Variants in PPM1L observed in about 807,000 individuals in gnomAD.
The protein encoded by PPM1L is protein phosphatase 1L.
A neutral mutation model predicts 31.4 loss-of-function variants in PPM1L; 13 were observed. The observed-to-expected ratio is 0.41, with a 90% CI of 0.27 to 0.66. The LOEUF (loss-of-function observed/expected upper bound fraction) is 0.66. Among genes scored for constraint, PPM1L ranks in the 30% least tolerant of loss-of-function variants. The pLI is 0.29. For missense variants in PPM1L, 326 were observed against 453.7 expected (o/e 0.72, Z 2.56); for synonymous variants, 184 against 175.4 (o/e 1.05, Z -0.39).
At chr3:160,761,834 AAG>A (rs1301945397) in intron 1 of PPM1L, among the ~76,000 whole-genome samples, 1 of 152,154 alleles carries the variant, frequency 6.6e-6, no homozygotes, top group Non-Finnish European at 1.5e-5. Context: ...ACCGGAGAAG[AAG>A]AGAGCTTGTG....
chr3:160,757,741 C>T (rs558074515), intron 1 of PPM1L, among the ~76,000 whole-genome samples: 1 of 152,320 alleles, frequency 6.6e-6, no homozygotes, highest in Non-Finnish European at 1.5e-5. Context: ...CTTTTGGCAG[C>T]ATACTTTTCT....
chr3:160,799,287 T>G (rs1171240710), intron 1 of PPM1L, among the ~76,000 whole-genome samples: 1 of 152,220 alleles, frequency 6.6e-6, no homozygotes, highest in Non-Finnish European at 1.5e-5. Flanking sequence ...CATCATATGC[T>G]ACAGAGAAAT....
At chr3:160,782,671 T>C (rs183415518) in intron 1 of PPM1L, among the ~76,000 whole-genome samples, 1 of 152,370 alleles carries the variant, frequency 6.6e-6, no homozygotes, top group East Asian at 1.9e-4. Flanking sequence ...TCATTTATAA[T>C]TTAAAACTAT....
chr3:160,801,714 T>C (rs1481888930), intron 1 of PPM1L, among the ~76,000 whole-genome samples: 1 of 152,220 alleles, frequency 6.6e-6, no homozygotes, highest in African/African-American at 2.4e-5. Context: ...TTTAAAACTG[T>C]GTCCCTGCCT....
chr3:160,955,742 C>T (rs538156955), intron 1 of PPM1L, among the ~76,000 whole-genome samples: 349 of 151,830 alleles, frequency 2.3e-3, no homozygotes, highest in African/African-American at 8.3e-3. Context: ...GCTCCGCCTC[C>T]TGGGTTCACG....
chr3:161,062,442 TA>T (rs1383109851), intron 2 of PPM1L, among the ~76,000 whole-genome samples: 1 of 151,984 alleles, frequency 6.6e-6, no homozygotes, highest in Non-Finnish European at 1.5e-5. Context: ...CTCTACAAAA[TA>T]AAAAATAAGA....
At chr3:161,041,419 G>T (rs6771581) in intron 2 of PPM1L, among the ~76,000 whole-genome samples, 7,508 of 152,204 alleles carry the variant, frequency 0.049, 459 homozygotes, top group African/African-American at 0.13. Flanking sequence ...ATGGTCCATG[G>T]TCACTCATAT....
intron 1 of PPM1L, among the ~76,000 whole-genome samples, chr3:160,825,822 T>C (rs1443202169): frequency 6.6e-6 from 1 of 152,152 alleles, no homozygotes. Context: ...TGGCTGATAT[T>C]CGCGAACCCT....
chr3:161,019,967 A>C (rs1437841433), intron 2 of PPM1L, among the ~76,000 whole-genome samples: 1 of 152,054 alleles, frequency 6.6e-6, no homozygotes, highest in African/African-American at 2.4e-5. Flanking sequence ...TCTACTAAAA[A>C]TACAAAAAAT....
At chr3:160,915,510 A>G (rs1714137878) in intron 1 of PPM1L, among the ~76,000 whole-genome samples, 1 of 152,186 alleles carries the variant, frequency 6.6e-6, no homozygotes, top group South Asian at 2.1e-4. Context: ...ATTCAATGCC[A>G]TCCCCATCAA....
chr3:160,897,150 C>T (rs981008127), intron 1 of PPM1L, among the ~76,000 whole-genome samples: 2 of 149,720 alleles, frequency 1.3e-5, no homozygotes, highest in East Asian at 2.0e-4. Flanking sequence ...TCAAGTGATT[C>T]GCCTGCCTCA....
intron 1 of PPM1L, among the ~76,000 whole-genome samples, chr3:160,887,385 C>A (rs1344879218): frequency 6.6e-6 from 1 of 151,678 alleles, no homozygotes; most frequent in African/African-American, 2.4e-5. Context: ...CCAGAGAACA[C>A]CACTAAGATA....
chr3:160,909,951 T>C (rs1713897945), intron 1 of PPM1L, among the ~76,000 whole-genome samples: 2 of 152,180 alleles, frequency 1.3e-5, no homozygotes. Context: ...CTGACCTAGT[T>C]AATACCCCGT....
At chr3:160,810,446 A>G (rs1323673345) in intron 1 of PPM1L, among the ~76,000 whole-genome samples, 4 of 152,170 alleles carry the variant, frequency 2.6e-5, no homozygotes, top group Non-Finnish European at 5.9e-5. Flanking sequence ...CTGGTTTCCA[A>G]CTGGTTTAGC....
chr3:160,913,386 A>G (rs1714039935), intron 1 of PPM1L, among the ~76,000 whole-genome samples: 1 of 152,178 alleles, frequency 6.6e-6, no homozygotes, highest in Non-Finnish European at 1.5e-5. Flanking sequence ...GCATGAAACT[A>G]CTTTTTAAAA....
chr3:161,039,795 C>T (rs1379352165), intron 2 of PPM1L, among the ~76,000 whole-genome samples: 5 of 152,138 alleles, frequency 3.3e-5, no homozygotes, highest in African/African-American at 7.2e-5. Context: ...GGATTACAGG[C>T]GTGAGCCACT....
intron 1 of PPM1L, among the ~76,000 whole-genome samples, chr3:160,835,607 C>A (rs1306995981): frequency 6.6e-6 from 1 of 152,004 alleles, no homozygotes; most frequent in Non-Finnish European, 1.5e-5. Context: ...ACCTTCTTAC[C>A]AACCGATCTC....
intron 2 of PPM1L, among the ~76,000 whole-genome samples, chr3:161,062,978 T>G (rs541932724): frequency 6.6e-6 from 1 of 151,422 alleles, no homozygotes; most frequent in African/African-American, 2.4e-5. Flanking sequence ...ACCTAGAAAG[T>G]GCAGAGTGAG....
chr3:160,763,265 C>G (rs1369308659), intron 1 of PPM1L, among the ~76,000 whole-genome samples: 4 of 152,174 alleles, frequency 2.6e-5, no homozygotes, highest in Non-Finnish European at 5.9e-5. Flanking sequence ...TTTGGAGTAT[C>G]CCTTTCCGCT....
Sources: gnomAD v4.1 joint callset for allele counts (sites outside exome capture counted in the v4.1 genomes callset) on GRCh38, gnomAD v4.1.1 for gene constraint, MANE v1.5 for transcripts, NCBI Gene and HGNC (gene_info 2026-07-23, HGNC 2026-07-21) for gene names.